The following ZNF573 variants were observed in gnomAD, a reference collection of about 807,000 sequenced individuals.
ZNF573 encodes the protein zinc finger protein 573.
ZNF573 carries 41 observed loss-of-function variants against 57.4 expected under a neutral mutation model. That is an observed-to-expected ratio of 0.71 (90% CI 0.56 to 0.93). ZNF573 has a LOEUF of 0.93. Ranked by LOEUF, ZNF573 falls within the 40% of genes least tolerant of loss-of-function variation. The pLI is 0.00. For synonymous variants in ZNF573, 249 were observed against 261.0 expected (o/e 0.95, Z 0.44); for missense variants, 730 against 794.8 (o/e 0.92, Z 0.98).
In ZNF573 at chr19:37,739,807, AT is replaced by A; in HGVS notation, c.682del (p.Ile228TyrfsTer212). On this transcript the variant is annotated frameshift_variant, in exon 5 of 5. Transcript: ENST00000536220. LOFTEE classifies it high-confidence loss of function. ...YECRQCGKAF[I>X]YASHIVQHER... The stretch of plus-strand genomic sequence containing the variant: ...ATGTTGAACAATGTGTGAGGCATAT[AT>A]AAAGGCCTTCCCACACTGCCTACAT... 1 of 1,613,690 alleles carries A rather than the reference AT, an allele frequency of 6.2e-7. No individual in the cohort carries two copies. Among genetic ancestry groups the A allele is most frequent in the South Asian group, 1.1e-5 (1 of 91,050 alleles).
chr19:37,761,029 C>T (rs904488787), intron 4 of ZNF573, among the ~76,000 whole-genome samples: 1 of 151,882 alleles, frequency 6.6e-6, no homozygotes, highest in African/African-American at 2.4e-5. Flanking sequence ...GAAAACCCAT[C>T]TCTACAAAAA....
intron 4 of ZNF573, among the ~76,000 whole-genome samples, chr19:37,764,273 T>C (rs1259239969): frequency 4.6e-5 from 7 of 151,926 alleles, no homozygotes; most frequent in African/African-American, 1.7e-4. Context: ...TGTAAATATG[T>C]AAACACATAC....
At chr19:37,755,986 G>A (rs578147378) in intron 4 of ZNF573, among the ~76,000 whole-genome samples, 38 of 152,084 alleles carry the variant, frequency 2.5e-4, no homozygotes, top group Non-Finnish European at 4.7e-4. Flanking sequence ...GTGCTCTTTC[G>A]CTTAGGTTAA....
At chr19:37,753,233 T>G (rs947427819) in intron 4 of ZNF573, among the ~76,000 whole-genome samples, 1 of 152,170 alleles carries the variant, frequency 6.6e-6, no homozygotes, top group Non-Finnish European at 1.5e-5. Context: ...ATTATTTTAA[T>G]TTTTGTGGGT....
chr19:37,750,416 ATT>A (rs145557813), intron 4 of ZNF573, among the ~76,000 whole-genome samples: 1 of 152,308 alleles, frequency 6.6e-6, no homozygotes, highest in African/African-American at 2.4e-5. Flanking sequence ...GAAAAACAAA[ATT>A]GCAATCCAAT....
chr19:37,743,269 G>A (rs1237791893), intron 4 of ZNF573, among the ~76,000 whole-genome samples: 1 of 138,908 alleles, frequency 7.2e-6, no homozygotes, highest in East Asian at 2.1e-4. Flanking sequence ...GCAGTGAGCC[G>A]AGATCAAGCC....
chr19:37,756,567 C>T (rs1279949993), intron 4 of ZNF573, among the ~76,000 whole-genome samples: 1 of 152,058 alleles, frequency 6.6e-6, no homozygotes, highest in Non-Finnish European at 1.5e-5. Flanking sequence ...ATATTAATGA[C>T]TCAGAAAACA....
chr19:37,753,826 T>C (rs976861924), intron 4 of ZNF573, among the ~76,000 whole-genome samples: 1 of 152,234 alleles, frequency 6.6e-6, no homozygotes, highest in African/African-American at 2.4e-5. Context: ...TAGTGTTACT[T>C]AAACTCAGAA....
At chr19:37,746,820 G>C (rs558870133) in intron 4 of ZNF573, among the ~76,000 whole-genome samples, 1 of 152,116 alleles carries the variant, frequency 6.6e-6, no homozygotes, top group South Asian at 2.1e-4. Context: ...TCCTGACCTC[G>C]TGATCTGCCC....
At chr19:37,779,516 GTT>G (rs549585657) in intron 1 of ZNF573, 26 bp downstream of exon 1, 149 of 152,232 alleles carry the variant, frequency 9.8e-4, no homozygotes, top group Non-Finnish European at 1.5e-3. Context: ...CTCTGTGCCT[GTT>G]ATATACTGAA....
intron 4 of ZNF573, among the ~76,000 whole-genome samples, chr19:37,747,788 C>T (rs1051214565): frequency 4.0e-5 from 6 of 151,890 alleles, no homozygotes; most frequent in Non-Finnish European, 8.8e-5. Context: ...CCCAGATTCA[C>T]GCCATTCTCC....
At chr19:37,763,781 T>G (rs1048328356) in intron 4 of ZNF573, among the ~76,000 whole-genome samples, 1 of 151,272 alleles carries the variant, frequency 6.6e-6, no homozygotes, top group South Asian at 2.1e-4. Context: ...ATAAAGGAAA[T>G]GACTGGGCAT....
At chr19:37,771,786 A>G in intron 2 of ZNF573, 90 bp from the exon 3 acceptor site, 6 of 1,365,644 alleles carry the variant, frequency 4.4e-6, no homozygotes, top group Non-Finnish European at 5.9e-6. Flanking sequence ...AAGGAGTGAT[A>G]TAGTATATGT....
chr19:37,748,583 CA>C (rs541606783), intron 4 of ZNF573, among the ~76,000 whole-genome samples: 37 of 152,150 alleles, frequency 2.4e-4, no homozygotes, highest in Middle Eastern at 3.4e-3. Context: ...GTAGACACTT[CA>C]AAAAAGCCAA....
chr19:37,761,357 C>T (rs1053170478), intron 4 of ZNF573, among the ~76,000 whole-genome samples: 21 of 152,094 alleles, frequency 1.4e-4, no homozygotes, highest in African/African-American at 4.8e-4. Flanking sequence ...CGCAAAGCAT[C>T]CTCAGAAGCA....
chr19:37,774,964 T>C (rs2045693985), intron 1 of ZNF573, among the ~76,000 whole-genome samples: 1 of 152,082 alleles, frequency 6.6e-6, no homozygotes, highest in Non-Finnish European at 1.5e-5. Context: ...GTGGGTTTAT[T>C]TTGCCACTTA....
rs796193670 is a variant in ZNF573 at position 37,772,948 on chromosome 19, T to G, written c.69+713A>C. 20 of 985,260 alleles carry G rather than the reference T, an allele frequency of 2.0e-5. No individual in the cohort carries two copies. In the South Asian group the frequency reaches 7.0e-4, roughly 35 times the overall value. 61.0% of individuals were successfully genotyped at this position (985,260 alleles called of 1,614,324 possible). On this transcript the variant is annotated intron_variant, in intron 2 of 4. Coordinates refer to ENST00000536220, the MANE Select transcript of ZNF573 (RefSeq NM_001172690.2). ...CCGTAGCTAGCCTACCTTCATATAC[T>G]TTGTTGGACAGAACTTCAAAGGTCT...
At position 37,738,665 on chromosome 19, in the gene ZNF573, G is replaced by GT. The variant is rs1219225375; in HGVS notation, c.1824dup (p.Pro609ThrfsTer3). ...TTCCCACATTCTTTACATTCATAAG[G>GT]TTTTCCACCAGTATGAATTTTCTGA... is the stretch of plus-strand genomic sequence containing the variant. On this transcript the variant is annotated frameshift_variant, in exon 5 of 5. Coordinates refer to ENST00000536220, the MANE Select transcript of ZNF573 (RefSeq NM_001172690.2). LOFTEE classifies it high-confidence loss of function. The GT allele has an allele frequency of 1.2e-6, 2 of 1,611,598 alleles. No individual in the cohort carries two copies. Among genetic ancestry groups the GT allele is most frequent in the Non-Finnish European group, 1.7e-6 (2 of 1,179,152 alleles).
chr19:37,740,284 A>G (rs2045315326), intron 4 of ZNF573, 90 bp from the exon 5 acceptor site: 2 of 1,176,390 alleles, frequency 1.7e-6, no homozygotes, highest in Admixed American at 2.4e-5. Context: ...AACATTCATA[A>G]TAAGTGAATG....
Sources: gnomAD v4.1 joint callset for allele counts (sites outside exome capture counted in the v4.1 genomes callset) on GRCh38, gnomAD v4.1.1 for gene constraint, MANE v1.5 for transcripts, NCBI Gene and HGNC (gene_info 2026-07-23, HGNC 2026-07-21) for gene names.